The following HMCN2 variants were observed in gnomAD, a reference collection of about 807,000 sequenced individuals.
HMCN2 encodes hemicentin 2, also known as hemicentin-2.
Under a neutral mutation model 377.5 loss-of-function variants are expected in HMCN2, and 325 were observed. The ratio of observed to expected loss-of-function variants is 0.86; its 90% CI spans 0.79 to 0.94. The LOEUF is 0.94. Among genes scored for constraint, HMCN2 ranks in the 40% least tolerant of loss-of-function variants. HMCN2 has a pLI of 0.00. For synonymous variants in HMCN2, 2,007 were observed against 2,046.8 expected, an observed-to-expected ratio of 0.98 and a Z score of 0.53; for missense variants, 4,543 against 4,725.3, an observed-to-expected ratio of 0.96 and a Z score of 1.13.
At chr9:130,433,214 G>C in intron 97 of HMCN2, 134 bp from the exon 98 acceptor site, 1 of 640,638 alleles carries the variant, frequency 1.6e-6, no homozygotes, top group Non-Finnish European at 2.4e-6. Flanking sequence ...AGGCGTGTGG[G>C]GCTCTGCGGG....
intron 4 of HMCN2, 84 bp from the exon 5 acceptor site, chr9:130,294,771 A>G: frequency 2.9e-6 from 1 of 345,544 alleles, no homozygotes; most frequent in South Asian, 2.2e-5. Context: ...GCGACCTGGA[A>G]AGTTTGTATG....
rs545650254 is a variant in HMCN2, at chr9:130,410,643, G to C, written c.12952G>C (p.Val4318Leu). Residue 4318 changes from valine to leucine, a missense_variant, in exon 85 of 98, where the codon GTC becomes CTC. This residue lies in a region of HMCN2 where 1,155 missense variants were observed against 1,157.7 expected (regional missense o/e 1.00). Transcript: ENST00000683500. Reference protein sequence around the residue: ...MGVAKKVVILVLQSAPVFQVE... With the variant: ...MGVAKKVVILLLQSAPVFQVE... ...CGTGGCGAAGAAAGTGGTGATCCTC[G>C]TCCTGCAGAGTGAGTCTCGGCCTCA... The C allele has an allele frequency of 6.4e-7, 1 of 1,550,454 alleles. No individual in the cohort carries two copies. Among genetic ancestry groups the C allele is most frequent in the African/African-American group, 1.4e-5 (1 of 73,040 alleles).
intron 87 of HMCN2, among the ~76,000 whole-genome samples, chr9:130,424,202 G>A (rs543249863): frequency 2.1e-5 from 3 of 145,814 alleles, no homozygotes; most frequent in Non-Finnish European, 3.0e-5. Context: ...TTTTTGAGAC[G>A]GAGTCTCGCT....
chr9:130,347,997 G>A lies in HMCN2; in HGVS notation c.4025-548G>A, dbSNP rs2131507532. On this transcript the variant is annotated intron_variant, in intron 26 of 97. Coordinates refer to ENST00000683500, the MANE Select transcript of HMCN2 (RefSeq NM_001291815.2). This position sits in a 1 kb window ranked among gnomAD's most constrained non-coding sequence, Gnocchi z 5.1. ...GAGAGCGCCCACCCCCACATCCAGG[G>A]TGCTATGTGCAGAGGAAAGGAACCC... 1.0e-6 allele frequency: 1 copy of A among 985,352 alleles called. No homozygotes were observed. The highest frequency in any genetic ancestry group is 1.2e-6 in the Non-Finnish European group (1 of 829,896). The allele number at this position is 985,352 out of a possible 1,614,324, so 61.0% of individuals were successfully genotyped here.
At chr9:130,276,017 G>A (rs1186231072) in intron 1 of HMCN2, among the ~76,000 whole-genome samples, 1 of 151,990 alleles carries the variant, frequency 6.6e-6, no homozygotes, top group Non-Finnish European at 1.5e-5. Context: ...CTGTGCAGGG[G>A]AGGGGTGCTA....
chr9:130,285,735 G>A (rs1241054257), intron 3 of HMCN2, among the ~76,000 whole-genome samples: 3 of 152,182 alleles, frequency 2.0e-5, no homozygotes, highest in African/African-American at 7.2e-5. Flanking sequence ...AGTGAGGGCT[G>A]GGAGAGGGGA....
At chr9:130,318,991 A>G (rs1235404710) in intron 15 of HMCN2, among the ~76,000 whole-genome samples, 2 of 151,974 alleles carry the variant, frequency 1.3e-5, no homozygotes, top group Non-Finnish European at 1.5e-5. Flanking sequence ...GCTCCCCTCC[A>G]CAGAAGTGGG....
At chr9:130,359,765 T>C (rs1840261412) in intron 37 of HMCN2, among the ~76,000 whole-genome samples, 1 of 152,142 alleles carries the variant, frequency 6.6e-6, no homozygotes, top group Admixed American at 6.6e-5. Context: ...AGCTGGGGGC[T>C]GGGTGTGGGT....
Position 130,347,553 on chromosome 9 carries a change from G to T in HMCN2, c.4024+193G>T, listed in dbSNP as rs1381327528. 6.6e-6 allele frequency among the ~76,000 whole-genome samples: 1 copy of T among 152,190 alleles called. No individual in the cohort carries two copies. Among genetic ancestry groups the T allele is most frequent in the Admixed American group, 6.5e-5 (1 of 15,284 alleles). On this transcript the variant is annotated intron_variant, in intron 26 of 97. Transcript: ENST00000683500. This position sits in a 1 kb window ranked among gnomAD's most constrained non-coding sequence, Gnocchi z 5.1. ...AAAGCTTCCTACACAGGAGAATCAG[G>T]TCCTGCCACCAGGTGCCAGTGACAG...
In HMCN2 at chr9:130,303,972, T is replaced by C. The variant is rs1245362182; in HGVS notation, c.1543+364T>C. On this transcript the variant is annotated intron_variant, in intron 10 of 97. Coordinates refer to ENST00000683500, the MANE Select transcript of HMCN2 (RefSeq NM_001291815.2). The surrounding 1 kb of genome is among the most constrained non-coding windows in gnomAD (Gnocchi z 5.2). ...GGATGGCGCCATCGAGCTGGGGAGG[T>C]TGGATACACCACAGACTGTCTCCAA... Among the ~76,000 whole-genome samples, 1 of 151,692 alleles carries C rather than the reference T, an allele frequency of 6.6e-6. No individual in the cohort carries two copies. Among genetic ancestry groups the C allele is most frequent in the Non-Finnish European group, 1.5e-5 (1 of 67,930 alleles).
Position 130,360,621 on chromosome 9 carries a change from C to T in HMCN2, c.5950+17C>T, listed in dbSNP as rs1173811076. Reference sequence around the variant, plus strand: ...GGGTCAATGGTGAGCTTCCCTGGGCCTACAAGGTCCCTTGTCCAAAAAGTT... The same window carrying T: ...GGGTCAATGGTGAGCTTCCCTGGGCTTACAAGGTCCCTTGTCCAAAAAGTT... On this transcript the variant is annotated intron_variant, in intron 38 of 97. Transcript: ENST00000683500. The surrounding 1 kb of genome is among the most constrained non-coding windows in gnomAD (Gnocchi z 4.7). 1.4e-5 allele frequency: 18 copies of T among 1,267,414 alleles called. No homozygotes were observed. The highest frequency in any genetic ancestry group is 1.8e-5 in the Non-Finnish European group (17 of 966,792). The allele number at this position is 1,267,414 out of a possible 1,614,324, so 78.5% of individuals were successfully genotyped here.
chr9:130,343,581 C>T (rs983501352), intron 25 of HMCN2, among the ~76,000 whole-genome samples: 11,815 of 152,038 alleles, frequency 0.078, 564 homozygotes, highest in African/African-American at 0.12. Flanking sequence ...CGCCACCTTG[C>T]GTTGGATTCT....
In HMCN2 at chr9:130,393,552, G is replaced by C. The variant is rs1588383874; in HGVS notation, c.10235-190G>C. On this transcript the variant is annotated intron_variant, in intron 67 of 97. Coordinates refer to ENST00000683500, the MANE Select transcript of HMCN2 (RefSeq NM_001291815.2). The surrounding 1 kb of genome is among the most constrained non-coding windows in gnomAD (Gnocchi z 5.2). Reference sequence around the variant, plus strand: ...GAGGCAGGAAGCAGCTCAGTAAAGAGACAATCACAATTCCAGGGAACTAGT... The same window carrying C: ...GAGGCAGGAAGCAGCTCAGTAAAGACACAATCACAATTCCAGGGAACTAGT... 6.6e-6 allele frequency among the ~76,000 whole-genome samples: 1 copy of C among 152,220 alleles called. No homozygotes were observed. The highest frequency in any genetic ancestry group is 2.4e-5 in the African/African-American group (1 of 41,452).
chr9:130,369,874 G>A lies in HMCN2; in HGVS notation c.7069+23G>A. 2.0e-6 allele frequency: 2 copies of A among 985,964 alleles called. No individual in the cohort carries two copies. Among genetic ancestry groups the A allele is most frequent in the Non-Finnish European group, 2.4e-6 (2 of 830,334 alleles). 61.1% of individuals were successfully genotyped at this position (985,964 alleles called of 1,614,324 possible). A position where few individuals can be genotyped will look rare whatever the true frequency, so the allele number is the denominator to read the frequency against. On this transcript the variant is annotated intron_variant, in intron 45 of 97. Coordinates refer to ENST00000683500, the MANE Select transcript of HMCN2 (RefSeq NM_001291815.2). This position sits in a 1 kb window ranked among gnomAD's most constrained non-coding sequence, Gnocchi z 4.5. ...TGGGTGAGGACCGGCAGCTGCTGGA[G>A]GAGTTGGGCTGGGGCAGATTAGAGT...
At chr9:130,356,831 G>A (rs1412916546) in intron 34 of HMCN2, among the ~76,000 whole-genome samples, 1 of 152,198 alleles carries the variant, frequency 6.6e-6, no homozygotes, top group Non-Finnish European at 1.5e-5. Context: ...GTGTCCAGGG[G>A]CCCAGTATAG....
At chr9:130,370,857 C>A in intron 45 of HMCN2, 107 bp from the exon 46 acceptor site, 1 of 639,620 alleles carries the variant, frequency 1.6e-6, no homozygotes, top group Non-Finnish European at 1.9e-6. Flanking sequence ...GCTCCTCAGA[C>A]TCTCCCAATT....
intron 4 of HMCN2, among the ~76,000 whole-genome samples, chr9:130,294,044 G>T (rs907534682): frequency 1.3e-5 from 2 of 152,158 alleles, no homozygotes; most frequent in African/African-American, 4.8e-5. Context: ...CAGTGACCTT[G>T]GGTTGGCATA....
At chr9:130,281,613 T>A (rs1835125646) in intron 1 of HMCN2, among the ~76,000 whole-genome samples, 1 of 119,700 alleles carries the variant, frequency 8.4e-6, no homozygotes, top group African/African-American at 3.3e-5. Context: ...AAAAAAGGAC[T>A]GGCGCACTGG....
At chr9:130,298,274 G>C (rs1836279401) in intron 7 of HMCN2, among the ~76,000 whole-genome samples, 1 of 152,048 alleles carries the variant, frequency 6.6e-6, no homozygotes, top group Non-Finnish European at 1.5e-5. Flanking sequence ...TTTTTAAAGA[G>C]AAACATTTGG....
Sources: gnomAD v4.1 joint callset for allele counts (sites outside exome capture counted in the v4.1 genomes callset) on GRCh38, gnomAD v4.1.1 for gene constraint, gnomAD v4.1.1 regional missense constraint, Gnocchi (gnomAD v3.1) non-coding constraint, MANE v1.5 for transcripts, NCBI Gene and HGNC (gene_info 2026-07-23, HGNC 2026-07-21) for gene names.